CHST11: variants seen among roughly 807,000 people sequenced by gnomAD.
CHST11 encodes C4S-1.
In CHST11, 9 loss-of-function variants were observed where a neutral mutation model predicts 30.4. The observed-to-expected ratio is 0.30, with a 90% CI of 0.18 to 0.52. The LOEUF (loss-of-function observed/expected upper bound fraction) is 0.52, where lower values mean the gene tolerates loss of function less well. Among genes scored for constraint, CHST11 ranks in the 20% least tolerant of loss-of-function variants. The pLI, the probability that CHST11 is intolerant of heterozygous loss-of-function variation, is 0.97. For missense variants in CHST11, 348 were observed against 460.6 expected (o/e 0.76, Z 2.24); for synonymous variants, 152 against 187.8 (o/e 0.81, Z 1.56).
At chr12:104,473,216 A>G (rs2037527857) in intron 1 of CHST11, among the ~76,000 whole-genome samples, 2 of 152,198 alleles carry the variant, frequency 1.3e-5, no homozygotes, top group African/African-American at 2.4e-5. Context: ...AATGGGAGGT[A>G]AGATTATTCA....
intron 2 of CHST11, among the ~76,000 whole-genome samples, chr12:104,740,138 CTT>C (rs1311271201): frequency 6.6e-6 from 1 of 152,192 alleles, no homozygotes; most frequent in East Asian, 1.9e-4. Flanking sequence ...AATGCAAAGA[CTT>C]TTCCCAGTTC....
In CHST11 at chr12:104,700,838, C is replaced by T. The variant is rs572697548; in HGVS notation, c.205-56111C>T. ...AAAAAAGGAAAAGTTGGGCTGGGCG[C>T]GGTGGCTCACCCCTATAATCCCAGC... On this transcript the variant is annotated intron_variant, in intron 2 of 2. Transcript: ENST00000303694. 9.9e-5 allele frequency among the ~76,000 whole-genome samples: 15 copies of T among 152,252 alleles called. No homozygotes were observed. The South Asian group carries it at 2.7e-3, about 27-fold the overall frequency.
intron 2 of CHST11, among the ~76,000 whole-genome samples, chr12:104,608,592 C>T (rs2039028982): frequency 6.6e-6 from 1 of 152,150 alleles, no homozygotes; most frequent in Admixed American, 6.5e-5. Flanking sequence ...AATAAATCTG[C>T]CTTTCTTTAC....
intron 1 of CHST11, among the ~76,000 whole-genome samples, chr12:104,559,340 G>A (rs2038490530): frequency 6.6e-6 from 1 of 152,232 alleles, no homozygotes; most frequent in African/African-American, 2.4e-5. Context: ...TACTTACTGA[G>A]CACCTACTAT....
At chr12:104,709,726 C>G (rs577688583) in intron 2 of CHST11, among the ~76,000 whole-genome samples, 2 of 152,204 alleles carry the variant, frequency 1.3e-5, no homozygotes, top group South Asian at 4.2e-4. Context: ...TCCGTGGAGA[C>G]AGAGAGCAGG....
At chr12:104,742,007 C>T (rs74902683) in intron 2 of CHST11, among the ~76,000 whole-genome samples, 3,535 of 152,158 alleles carry the variant, frequency 0.023, 145 homozygotes, top group African/African-American at 0.081. Flanking sequence ...ATCCTGCCCC[C>T]GGCACTTGGG....
chr12:104,482,839 C>T (rs1162744565), intron 1 of CHST11, among the ~76,000 whole-genome samples: 1 of 152,118 alleles, frequency 6.6e-6, no homozygotes, highest in Non-Finnish European at 1.5e-5. Context: ...ACTTTAATGT[C>T]TTAAAAATGT....
rs576348628 is a variant in CHST11, at chr12:104,558,600, G to A, written c.119-43306G>A. On this transcript the variant is annotated intron_variant, in intron 1 of 2. Coordinates refer to ENST00000303694, the MANE Select transcript of CHST11 (RefSeq NM_018413.6). ...GTCCCCCAGGCTGCAGTGCAGTGGC[G>A]CGATCTTGGGCCACTGCAACCTCCA... Among the ~76,000 whole-genome samples, 65 of 133,726 alleles carry A rather than the reference G, an allele frequency of 4.9e-4. No individual in the cohort carries two copies. The East Asian group carries it at 7.6e-3, about 16-fold the overall frequency. The allele number at this position is 133,726 out of a possible 152,430, so 87.7% of individuals were successfully genotyped here.
chr12:104,578,185 T>G (rs1389847021), intron 1 of CHST11, among the ~76,000 whole-genome samples: 2 of 152,180 alleles, frequency 1.3e-5, no homozygotes, highest in African/African-American at 2.4e-5. Context: ...CAGGGGGTGG[T>G]TCTGACCTGA....
intron 2 of CHST11, among the ~76,000 whole-genome samples, chr12:104,720,278 G>A (rs1261518365): frequency 6.6e-6 from 1 of 152,218 alleles, no homozygotes; most frequent in Admixed American, 6.5e-5. Context: ...CTTATGCAGT[G>A]GGTACCAGGA....
chr12:104,720,837 G>T (rs530645460), intron 2 of CHST11, among the ~76,000 whole-genome samples: 2 of 152,274 alleles, frequency 1.3e-5, no homozygotes, highest in South Asian at 4.1e-4. Context: ...AGTCGCTGCT[G>T]CTTTGGGACT....
At chr12:104,621,884 G>A (rs964332718) in intron 2 of CHST11, among the ~76,000 whole-genome samples, 6 of 152,220 alleles carry the variant, frequency 3.9e-5, no homozygotes, top group Non-Finnish European at 5.9e-5. Context: ...GTCCAAAGGA[G>A]GCCTGGGAGA....
rs75520505 is a variant in CHST11, at chr12:104,691,079, T to C, written c.205-65870T>C. 6.7e-3 allele frequency among the ~76,000 whole-genome samples: 1,016 copies of C among 152,334 alleles called. 13 individuals are homozygous for C. The highest frequency in any genetic ancestry group is 0.021 in the African/African-American group (879 of 41,570). ...CTTTCCTCCCAACTCTCACCAGGTCTGGGGTCAAAGATGTGGGTTCTAGCC... is the reference window on the plus strand; with the variant it reads ...CTTTCCTCCCAACTCTCACCAGGTCCGGGGTCAAAGATGTGGGTTCTAGCC... On this transcript the variant is annotated intron_variant, in intron 2 of 2. Coordinates refer to ENST00000303694, the MANE Select transcript of CHST11 (RefSeq NM_018413.6).
At chr12:104,602,935 C>A (rs983252467) in intron 2 of CHST11, among the ~76,000 whole-genome samples, 1 of 151,944 alleles carries the variant, frequency 6.6e-6, no homozygotes, top group Admixed American at 6.5e-5. Flanking sequence ...CCCCTACCCC[C>A]CTTCCCAATC....
intron 2 of CHST11, among the ~76,000 whole-genome samples, chr12:104,737,149 G>A (rs1421668560): frequency 4.6e-5 from 7 of 152,248 alleles, no homozygotes; most frequent in Admixed American, 4.6e-4. Context: ...ACTAAGAACT[G>A]AGTTCAATAA....
rs571328161 is a variant in CHST11 at position 104,717,900 on chromosome 12, A to G, written c.205-39049A>G. ...AGGAGGCATAGGTTGCAGTGAGCCA[A>G]GATTGTGCCACTGCACTCCAGCCTG... On this transcript the variant is annotated intron_variant, in intron 2 of 2. Coordinates refer to ENST00000303694, the MANE Select transcript of CHST11 (RefSeq NM_018413.6). Among the ~76,000 whole-genome samples the G allele has an allele frequency of 2.0e-5, 3 of 152,134 alleles. No individual in the cohort carries two copies. In the South Asian group the frequency reaches 6.2e-4, roughly 32 times the overall value.
chr12:104,664,182 A>G (rs376481513), intron 2 of CHST11, among the ~76,000 whole-genome samples: 2 of 152,220 alleles, frequency 1.3e-5, no homozygotes, highest in African/African-American at 4.8e-5. Context: ...CTGTAGCCTA[A>G]TACTCAGGGA....
At chr12:104,635,111 C>T (rs2039311110) in intron 2 of CHST11, among the ~76,000 whole-genome samples, 1 of 152,056 alleles carries the variant, frequency 6.6e-6, no homozygotes, top group African/African-American at 2.4e-5. Context: ...GCTTCATTCT[C>T]CTTTGAGATT....
chr12:104,689,464 C>T lies in CHST11; in HGVS notation c.205-67485C>T, dbSNP rs544294167. Among the ~76,000 whole-genome samples the T allele has an allele frequency of 1.3e-4, 20 of 152,330 alleles. No homozygotes were observed. In the South Asian group the frequency reaches 3.3e-3, roughly 25 times the overall value. On this transcript the variant is annotated intron_variant, in intron 2 of 2. Transcript: ENST00000303694. Reference sequence around the variant, plus strand: ...CTTCCCAGCAGCTGTGAGGCTGAGACGAGGTGAGCAAGTCCTTTTGAATTC... The same window carrying T: ...CTTCCCAGCAGCTGTGAGGCTGAGATGAGGTGAGCAAGTCCTTTTGAATTC...
Sources: gnomAD v4.1 joint callset for allele counts (sites outside exome capture counted in the v4.1 genomes callset) on GRCh38, gnomAD v4.1.1 for gene constraint, MANE v1.5 for transcripts, NCBI Gene and HGNC (gene_info 2026-07-23, HGNC 2026-07-21) for gene names.